The following UGT1A10 variants were observed in gnomAD, a reference collection of about 807,000 sequenced individuals.
UGT1A10 encodes the protein UDP-glucuronosyltransferase 1A10.
A neutral mutation model predicts 45.8 loss-of-function variants in UGT1A10; 49 were observed. The observed-to-expected ratio is 1.07, with a 90% CI of 0.85 to 1.36. The LOEUF (loss-of-function observed/expected upper bound fraction) is 1.36. Ranked by LOEUF, UGT1A10 falls within the 40% of genes most tolerant of loss-of-function variation. The pLI, the probability that UGT1A10 is intolerant of heterozygous loss-of-function variation, is 0.00. For synonymous variants in UGT1A10, 284 were observed against 249.7 expected (o/e 1.14, Z -1.29); for missense variants, 745 against 668.6 (o/e 1.11, Z -1.26).
intron 1 of UGT1A10, among the ~76,000 whole-genome samples, chr2:233,658,018 C>CTTTT (rs34352422): frequency 7.8e-6 from 1 of 128,076 alleles, no homozygotes; most frequent in African/African-American, 2.9e-5. Context: ...GTTTCCTCCT[C>CTTTT]TTTTTTTTTT....
chr2:233,654,766 C>T (rs1438853286), intron 1 of UGT1A10, among the ~76,000 whole-genome samples: 1 of 152,068 alleles, frequency 6.6e-6, no homozygotes, highest in Non-Finnish European at 1.5e-5. Context: ...CTGTTTTAGA[C>T]CCAGTCCAGT....
In UGT1A10 at chr2:233,760,701, C is replaced by G. The variant is rs768185321; in HGVS notation, c.856-6333C>G. 6.8e-6 allele frequency: 11 copies of G among 1,614,172 alleles called. No individual in the cohort carries two copies. In the Admixed American group the frequency reaches 1.8e-4, roughly 27 times the overall value. ...TACTGCACAACAAGGAGCTCATGGCCTCCCTGGCAGAAAGCAGCTTTGATG... is the reference window on the plus strand; with the variant it reads ...TACTGCACAACAAGGAGCTCATGGCGTCCCTGGCAGAAAGCAGCTTTGATG... On this transcript the variant is annotated intron_variant, in intron 1 of 4. Transcript: ENST00000344644.
At chr2:233,697,352 A>G (rs2075386143) in intron 1 of UGT1A10, among the ~76,000 whole-genome samples, 1 of 151,986 alleles carries the variant, frequency 6.6e-6, no homozygotes, top group Admixed American at 6.6e-5. Flanking sequence ...TAGGTTTTCT[A>G]ATTTGTTGGC....
At chr2:233,647,275 A>G (rs2073630233) in intron 1 of UGT1A10, among the ~76,000 whole-genome samples, 1 of 152,198 alleles carries the variant, frequency 6.6e-6, no homozygotes, top group South Asian at 2.1e-4. Context: ...AAACCATATC[A>G]TTATTGAATT....
intron 1 of UGT1A10, chr2:233,717,916 T>A (rs1363488436): frequency 2.2e-6 from 1 of 454,812 alleles, no homozygotes. Flanking sequence ...AAGGCCTGGA[T>A]GAATGGATAC....
chr2:233,686,240 G>A (rs2074778858), intron 1 of UGT1A10, among the ~76,000 whole-genome samples: 1 of 151,054 alleles, frequency 6.6e-6, no homozygotes, highest in South Asian at 2.1e-4. Context: ...TTTGGAAATG[G>A]TTTCTGAGAT....
In UGT1A10 at chr2:233,772,754, T is replaced by G; in HGVS notation, c.*195T>G. ...GCTAGTCAGTAAAGATATTTGAATA[T>G]GTATCGTGCCCCCTCTGGTGTCTTT... On this transcript the variant is annotated 3_prime_UTR_variant, in exon 5 of 5. Transcript: ENST00000344644. 1 of 1,409,478 alleles carries G rather than the reference T, an allele frequency of 7.1e-7. No homozygotes were observed. Among genetic ancestry groups the G allele is most frequent in the South Asian group, 1.5e-5 (1 of 66,636 alleles). 87.3% of individuals were successfully genotyped at this position (1,409,478 alleles called of 1,614,324 possible). A position where few individuals can be genotyped will look rare whatever the true frequency, so the allele number is the denominator to read the frequency against.
At chr2:233,647,652 T>C (rs1284605326) in intron 1 of UGT1A10, among the ~76,000 whole-genome samples, 3 of 152,262 alleles carry the variant, frequency 2.0e-5, no homozygotes, top group Admixed American at 1.3e-4. Context: ...GTCCATTCCA[T>C]CTAAGTTGTA....
intron 1 of UGT1A10, among the ~76,000 whole-genome samples, chr2:233,702,537 T>G (rs2075692564): frequency 6.6e-6 from 1 of 152,208 alleles, no homozygotes; most frequent in Non-Finnish European, 1.5e-5. Context: ...ATCTTGTTCC[T>G]GATCTTAGGT....
intron 1 of UGT1A10, among the ~76,000 whole-genome samples, chr2:233,717,417 G>C (rs2076571839): frequency 6.6e-6 from 1 of 152,224 alleles, no homozygotes; most frequent in Non-Finnish European, 1.5e-5. Flanking sequence ...CCTCCCTTGA[G>C]CTGGGTGTCC....
intron 1 of UGT1A10, among the ~76,000 whole-genome samples, chr2:233,640,610 G>T (rs918337015): frequency 6.6e-6 from 1 of 152,068 alleles, no homozygotes; most frequent in African/African-American, 2.4e-5. Flanking sequence ...TTTTATGAGG[G>T]TGTCAAGACC....
intron 1 of UGT1A10, among the ~76,000 whole-genome samples, chr2:233,656,448 G>A (rs571052320): frequency 3.3e-5 from 5 of 152,288 alleles, no homozygotes; most frequent in East Asian, 3.9e-4. Context: ...GTCCGGTGGA[G>A]GTGCACTTGT....
At chr2:233,729,454 T>A (rs758737792) in intron 1 of UGT1A10, 14 of 1,613,924 alleles carry the variant, frequency 8.7e-6, no homozygotes, top group Non-Finnish European at 1.2e-5. Flanking sequence ...TCTGAAGAAA[T>A]TTTTCAGAAG....
At position 233,694,026 on chromosome 2, in the gene UGT1A10, T is replaced by G. The variant is rs45617840; in HGVS notation, c.855+56649T>G. On this transcript the variant is annotated intron_variant, in intron 1 of 4. Transcript: ENST00000344644. ...GAGCAGCGGGAACACATAGGAGACC[T>G]GAGGCTGAAGTGATACAGAGGCATT... Among the ~76,000 whole-genome samples, 569 of 152,270 alleles carry G rather than the reference T, an allele frequency of 3.7e-3. 7 individuals carry two copies. Among genetic ancestry groups the G allele is most frequent in the African/African-American group, 0.013 (545 of 41,542 alleles).
intron 1 of UGT1A10, among the ~76,000 whole-genome samples, chr2:233,685,164 G>C (rs2125531270): frequency 6.6e-6 from 1 of 152,218 alleles, no homozygotes; most frequent in Admixed American, 6.5e-5. Flanking sequence ...AACAAGGATG[G>C]TAGATCATCA....
In UGT1A10 at chr2:233,636,956, T is replaced by C; in HGVS notation, c.434T>C (p.Val145Ala). 1 of 1,614,146 alleles carries C rather than the reference T, an allele frequency of 6.2e-7. No individual in the cohort carries two copies. Among genetic ancestry groups the C allele is most frequent in the Non-Finnish European group, 8.5e-7 (1 of 1,180,022 alleles). ...TTAAAGGAGAGTTCTTTTGATGCAGTGTTTCTGGATCCTTTTGATACCTGT... is the reference window on the plus strand; with the variant it reads ...TTAAAGGAGAGTTCTTTTGATGCAGCGTTTCTGGATCCTTTTGATACCTGT... The part of the protein sequence containing the change: ...EYLKESSFDA[V>A]FLDPFDTCGL... The change falls in exon 1 of 5, where the codon GTG (valine) becomes GCG (alanine). Residue 145 changes from valine (V) to alanine (A), a missense_variant. Physicochemically the swap from Val to Ala is moderately conservative, Grantham distance 64. Transcript: ENST00000344644.
intron 1 of UGT1A10, chr2:233,729,586 G>T (rs138085546): frequency 2.5e-6 from 4 of 1,614,044 alleles, no homozygotes; most frequent in Non-Finnish European, 2.5e-6. Flanking sequence ...AACAGACCCC[G>T]TTAACCTCTG....
chr2:233,765,958 G>T (rs1456773325), intron 1 of UGT1A10, among the ~76,000 whole-genome samples: 1 of 152,138 alleles, frequency 6.6e-6, no homozygotes, highest in East Asian at 1.9e-4. Flanking sequence ...CACCGGCAGT[G>T]TCTAGAGGTG....
chr2:233,718,780 A>T (rs765403855), intron 1 of UGT1A10: 4 of 1,612,996 alleles, frequency 2.5e-6, no homozygotes, highest in Non-Finnish European at 3.4e-6. Context: ...TAGCAGGCAC[A>T]GCGTGGGGTG....
Sources: gnomAD v4.1 joint callset for allele counts (sites outside exome capture counted in the v4.1 genomes callset) on GRCh38, gnomAD v4.1.1 for gene constraint, MANE v1.5 for transcripts, NCBI Gene and HGNC (gene_info 2026-07-23, HGNC 2026-07-21) for gene names.